Variants in RALYL observed in about 807,000 individuals in gnomAD.
The protein encoded by RALYL is RNA-binding Raly-like protein.
A neutral mutation model predicts 35.1 loss-of-function variants in RALYL; 29 were observed. That is an observed-to-expected ratio of 0.83 (90% CI 0.61 to 1.13). The LOEUF is 1.13. Among genes scored for constraint, RALYL ranks in the 50% most tolerant of loss-of-function variants. RALYL has a pLI of 0.00. For synonymous variants in RALYL, 120 were observed against 127.6 expected (o/e 0.94, Z 0.40); for missense variants, 359 against 360.4 (o/e 1.00, Z 0.03).
chr8:84,862,216 C>A, intron 5 of RALYL, 80 bp from the exon 6 acceptor site: 1 of 1,173,822 alleles, frequency 8.5e-7, no homozygotes, highest in Admixed American at 3.6e-5. Context: ...TCTACCAGGA[C>A]ATTCTGTTCA....
chr8:84,397,939 G>GCTTTCTTCACTGCCATCTTT (rs2042511612), intron 1 of RALYL, among the ~76,000 whole-genome samples: 3 of 152,092 alleles, frequency 2.0e-5, no homozygotes, highest in African/African-American at 7.2e-5. Flanking sequence ...ACTCCCTTTG[G>GCTTTCTTCACTGCCATCTTT]CTTTCTTCAC....
chr8:84,783,637 C>T (rs544422093), intron 3 of RALYL, among the ~76,000 whole-genome samples: 70 of 152,230 alleles, frequency 4.6e-4, no homozygotes, highest in African/African-American at 1.5e-3. Context: ...AGCCTCCTGC[C>T]CCCACTCTGC....
At chr8:84,644,913 A>G (rs1827164469) in intron 2 of RALYL, among the ~76,000 whole-genome samples, 1 of 151,686 alleles carries the variant, frequency 6.6e-6, no homozygotes. Flanking sequence ...CACCACACCC[A>G]GCTAATTTTT....
intron 8 of RALYL, among the ~76,000 whole-genome samples, 172 bp from the exon 9 acceptor site, chr8:84,920,722 A>G (rs1849193252): frequency 6.6e-6 from 1 of 152,112 alleles, no homozygotes; most frequent in African/African-American, 2.4e-5. Context: ...AGATTTGCCT[A>G]CAACAAAGGA....
chr8:84,415,232 GTTTTGTT>G (rs2044553476), intron 1 of RALYL, among the ~76,000 whole-genome samples: 1 of 81,412 alleles, frequency 1.2e-5, no homozygotes, highest in South Asian at 3.6e-4. Context: ...TTTTTGTTTT[GTTTTGTT>G]TTGTTTTGTT....
intron 1 of RALYL, among the ~76,000 whole-genome samples, chr8:84,296,416 C>T (rs939134386): frequency 3.3e-5 from 5 of 152,020 alleles, no homozygotes; most frequent in Admixed American, 1.3e-4. Context: ...ATACATATAT[C>T]CCAGGACACA....
intron 1 of RALYL, among the ~76,000 whole-genome samples, chr8:84,215,302 A>C (rs563102605): frequency 2.6e-5 from 4 of 152,310 alleles, no homozygotes; most frequent in Non-Finnish European, 2.9e-5. Context: ...AAATGCAAAA[A>C]TTGGCATTAT....
intron 1 of RALYL, among the ~76,000 whole-genome samples, chr8:84,363,702 G>A (rs577744803): frequency 4.6e-5 from 7 of 152,244 alleles, no homozygotes; most frequent in African/African-American, 1.4e-4. Context: ...GCGTAAAAAC[G>A]GATGAATAAG....
At chr8:84,713,239 CT>C (rs1374864061) in intron 2 of RALYL, among the ~76,000 whole-genome samples, 3 of 151,952 alleles carry the variant, frequency 2.0e-5, no homozygotes, top group African/African-American at 7.2e-5. Context: ...GTTCTTGGCA[CT>C]TTGGTAGATC....
chr8:84,902,375 C>T (rs1380124921), intron 8 of RALYL, among the ~76,000 whole-genome samples: 1 of 152,142 alleles, frequency 6.6e-6, no homozygotes, highest in Non-Finnish European at 1.5e-5. Flanking sequence ...GGTGCTAAAC[C>T]ATTCATGAGA....
At chr8:84,660,402 T>C (rs1830687420) in intron 2 of RALYL, among the ~76,000 whole-genome samples, 1 of 152,074 alleles carries the variant, frequency 6.6e-6, no homozygotes, top group Non-Finnish European at 1.5e-5. Context: ...AATTTCTGCT[T>C]TAATCTTGGT....
intron 4 of RALYL, among the ~76,000 whole-genome samples, chr8:84,846,532 G>C (rs1439127092): frequency 2.0e-5 from 3 of 152,152 alleles, no homozygotes; most frequent in Non-Finnish European, 4.4e-5. Context: ...TTCATAGAGT[G>C]AGTTAGAGAG....
At chr8:84,483,709 T>G (rs2054292115) in intron 1 of RALYL, among the ~76,000 whole-genome samples, 1 of 152,218 alleles carries the variant, frequency 6.6e-6, no homozygotes, top group East Asian at 1.9e-4. Flanking sequence ...AACAGAGATA[T>G]AGAAGCTATT....
intron 1 of RALYL, among the ~76,000 whole-genome samples, chr8:84,348,678 A>G (rs1339533885): frequency 6.6e-6 from 1 of 152,174 alleles, no homozygotes; most frequent in African/African-American, 2.4e-5. Context: ...GCAGTTTCTC[A>G]AAAGGTATTC....
intron 4 of RALYL, among the ~76,000 whole-genome samples, chr8:84,842,422 A>T (rs1833630555): frequency 6.6e-6 from 1 of 152,208 alleles, no homozygotes; most frequent in Non-Finnish European, 1.5e-5. Flanking sequence ...AACCAGGAAG[A>T]AGTTGAATCT....
chr8:84,764,759 C>T (rs1163179082), intron 2 of RALYL, among the ~76,000 whole-genome samples: 1 of 152,110 alleles, frequency 6.6e-6, no homozygotes, highest in Admixed American at 6.6e-5. Context: ...CAGTGACTGC[C>T]CAGTAAAATT....
intron 2 of RALYL, among the ~76,000 whole-genome samples, chr8:84,596,684 G>T (rs1814614601): frequency 6.6e-6 from 1 of 152,084 alleles, no homozygotes; most frequent in African/African-American, 2.4e-5. Context: ...TTGTCTTCAA[G>T]CGCCTGTTAG....
chr8:84,601,627 A>AC (rs1412512297), intron 2 of RALYL, among the ~76,000 whole-genome samples: 1 of 152,032 alleles, frequency 6.6e-6, no homozygotes, highest in African/African-American at 2.4e-5. Flanking sequence ...CATGAGAAAA[A>AC]AAAAAAAGAG....
intron 1 of RALYL, among the ~76,000 whole-genome samples, chr8:84,427,872 C>G (rs571644583): frequency 6.8e-4 from 104 of 152,256 alleles, no homozygotes; most frequent in African/African-American, 2.5e-3. Flanking sequence ...TCTTCTTAAG[C>G]AAATATATAC....
Sources: allele counts gnomAD v4.1 joint callset (sites outside exome capture counted in the v4.1 genomes callset), GRCh38; gene constraint gnomAD v4.1.1; transcripts MANE v1.5; gene names NCBI Gene and HGNC (gene_info 2026-07-23, HGNC 2026-07-21).